Variants in ZNF600 observed in about 807,000 individuals in gnomAD.
ZNF600 encodes the protein zinc finger protein 600, also known as zinc finger protein KR-ZNF1.
ZNF600 carries 4 observed loss-of-function variants against 7.3 expected under a neutral mutation model. That is an observed-to-expected ratio of 0.55 (90% CI 0.27 to 1.25). The LOEUF (loss-of-function observed/expected upper bound fraction) is 1.25, where lower values mean the gene tolerates loss of function less well. Ranked by LOEUF, ZNF600 falls within the 50% of genes most tolerant of loss-of-function variation. The pLI is 0.12. For synonymous variants in ZNF600, 290 were observed against 308.9 expected (o/e 0.94, Z 0.64); for missense variants, 911 against 922.1 (o/e 0.99, Z 0.16).
At chr19:52,801,302 A>G in the ZNF600 span, 2 of 1,614,148 alleles carry the variant, frequency 1.2e-6, no homozygotes, top group East Asian at 4.5e-5. Context: ...TGGGCCTACA[A>G]CAAATTCTTT....
At chr19:52,795,097 T>G in the ZNF600 span, among the ~76,000 whole-genome samples, 1 of 152,270 alleles carries the variant, frequency 6.6e-6, no homozygotes, top group East Asian at 1.9e-4. Flanking sequence ...ACATATGGGC[T>G]CTGCTGGAAC....
chr19:52,788,372 C>T (rs1169349425), upstream of ZNF600, among the ~76,000 whole-genome samples: 4 of 152,084 alleles, frequency 2.6e-5, no homozygotes, highest in East Asian at 5.8e-4. Context: ...TTTCTTTGCT[C>T]CTCTTGGTGT....
chr19:52,768,680 G>C (rs2062608437), intron 3 of ZNF600, among the ~76,000 whole-genome samples: 1 of 151,802 alleles, frequency 6.6e-6, no homozygotes, highest in Admixed American at 6.6e-5. Context: ...TGAGTACCTG[G>C]GGTTACAGGC....
chr19:52,815,558 C>T, the ZNF600 span, among the ~76,000 whole-genome samples: 2 of 146,462 alleles, frequency 1.4e-5, no homozygotes, highest in South Asian at 2.3e-4. Flanking sequence ...GGCGTGGTGG[C>T]TCACGCCTGT....
the ZNF600 span, among the ~76,000 whole-genome samples, chr19:52,793,215 C>T: frequency 0.031 from 4,788 of 152,262 alleles, 239 homozygotes; most frequent in African/African-American, 0.11. Context: ...TGATGTCTCA[C>T]GTCTCCATGT....
At chr19:52,793,202 G>A in the ZNF600 span, among the ~76,000 whole-genome samples, 1 of 152,170 alleles carries the variant, frequency 6.6e-6, no homozygotes, top group South Asian at 2.1e-4. Context: ...TACGTATACT[G>A]ATTGATGTCT....
intron 1 of ZNF600, among the ~76,000 whole-genome samples, chr19:52,782,482 C>T (rs986588402): frequency 6.6e-6 from 1 of 151,088 alleles, no homozygotes; most frequent in Non-Finnish European, 1.5e-5. Flanking sequence ...AACATCACGC[C>T]ATTGCACTTC....
the ZNF600 span, chr19:52,809,837 C>T: frequency 3.4e-5 from 19 of 553,848 alleles, no homozygotes; most frequent in South Asian, 9.1e-5. Context: ...GCGGCGGCGG[C>T]GGTGGCGGTG....
intron 2 of ZNF600, among the ~76,000 whole-genome samples, chr19:52,776,043 A>AGAT (rs1426175500): frequency 6.9e-6 from 1 of 144,752 alleles, no homozygotes. Context: ...TGTTATGATG[A>AGAT]CAGCAATAGC....
At chr19:52,818,163 A>C in the ZNF600 span, 1 of 969,262 alleles carries the variant, frequency 1.0e-6, no homozygotes. Context: ...ACCACGAACA[A>C]AAAATTCCTA....
the ZNF600 span, chr19:52,810,562 C>T: frequency 6.3e-7 from 1 of 1,593,570 alleles, no homozygotes. Context: ...GCACAACAGA[C>T]CGGGGTCTTC....
the ZNF600 span, among the ~76,000 whole-genome samples, chr19:52,812,767 A>T: frequency 6.8e-5 from 8 of 118,260 alleles, no homozygotes; most frequent in African/African-American, 1.7e-4. Context: ...ATCAATAAAA[A>T]AAAAAAAAAA....
At chr19:52,791,674 G>A (rs893778668), upstream of ZNF600, among the ~76,000 whole-genome samples, 11 of 152,140 alleles carry the variant, frequency 7.2e-5, no homozygotes, top group African/African-American at 2.2e-4. Context: ...CCTCTGGAAA[G>A]ATGGTCCTTT....
At chr19:52,833,476 C>A in the ZNF600 span, among the ~76,000 whole-genome samples, 1 of 152,142 alleles carries the variant, frequency 6.6e-6, no homozygotes, top group Admixed American at 6.5e-5. Context: ...TCAGAAATGA[C>A]TGGCTACTAA....
the ZNF600 span, among the ~76,000 whole-genome samples, chr19:52,810,930 C>T: frequency 8.0e-6 from 1 of 124,694 alleles, no homozygotes; most frequent in Admixed American, 8.4e-5. Flanking sequence ...CAGTCTCCCT[C>T]TGATGCCGAG....
exon 4 of ZNF600, chr19:52,767,098 A>G (rs770032947): frequency 6.2e-7 from 1 of 1,613,840 alleles, no homozygotes; most frequent in Non-Finnish European, 8.5e-7. Flanking sequence ...CACTCATTAC[A>G]CTTGTAAGGT....
chr19:52,783,614 G>A (rs2062741346), intron 1 of ZNF600, among the ~76,000 whole-genome samples: 1 of 152,170 alleles, frequency 6.6e-6, no homozygotes, highest in Non-Finnish European at 1.5e-5. Context: ...GCCCGCCTCG[G>A]CCTCCCAAAG....
At chr19:52,792,983 A>G in the ZNF600 span, among the ~76,000 whole-genome samples, 6 of 151,348 alleles carry the variant, frequency 4.0e-5, no homozygotes, top group East Asian at 9.8e-4. Context: ...TGATCCACCC[A>G]CCTCGGCCTC....
chr19:52,776,039 G>T, intron 2 of ZNF600, among the ~76,000 whole-genome samples: 1 of 144,294 alleles, frequency 6.9e-6, no homozygotes, highest in African/African-American at 2.6e-5. Context: ...AAACTGTTAT[G>T]ATGACAGCAA....
Sources: allele counts gnomAD v4.1 joint callset (sites outside exome capture counted in the v4.1 genomes callset), GRCh38; gene constraint gnomAD v4.1.1; transcripts MANE v1.5; gene names NCBI Gene and HGNC (gene_info 2026-07-23, HGNC 2026-07-21).